The following KALRN variants were observed in gnomAD, a reference collection of about 807,000 sequenced individuals.
KALRN encodes kalirin.
A neutral mutation model predicts 353.7 loss-of-function variants in KALRN; 70 were observed. The ratio of observed to expected loss-of-function variants is 0.20; its 90% CI spans 0.16 to 0.24. The LOEUF is 0.24. Among genes scored for constraint, KALRN ranks in the 10% least tolerant of loss-of-function variants. The pLI, the probability that KALRN is intolerant of heterozygous loss-of-function variation, is 1.00. For synonymous variants in KALRN, 1,391 were observed against 1,434.8 expected (o/e 0.97, Z 0.69); for missense variants, 2,791 against 3,756.7 (o/e 0.74, Z 6.72).
intron 6 of KALRN, among the ~76,000 whole-genome samples, chr3:124,324,958 T>G (rs527395622): frequency 1.3e-5 from 2 of 152,336 alleles, no homozygotes; most frequent in Admixed American, 6.5e-5. Context: ...ATTGTGTGAT[T>G]CGGAAAAGCT....
At chr3:124,445,058 TAAC>T (rs1375926874) in intron 19 of KALRN, among the ~76,000 whole-genome samples, 1 of 152,174 alleles carries the variant, frequency 6.6e-6, no homozygotes, top group Admixed American at 6.5e-5. Flanking sequence ...CCAAGGTGAC[TAAC>T]AACTCAGGCT....
chr3:124,309,716 C>T (rs2078061613), intron 6 of KALRN, among the ~76,000 whole-genome samples: 1 of 151,566 alleles, frequency 6.6e-6, no homozygotes. Flanking sequence ...CCAGAAAAAG[C>T]ATTTGACAAA....
chr3:124,081,158 C>CTGTA (rs1173360915), intron 1 of KALRN, among the ~76,000 whole-genome samples: 1 of 152,238 alleles, frequency 6.6e-6, no homozygotes, highest in Non-Finnish European at 1.5e-5. Flanking sequence ...CTCCTGTCTA[C>CTGTA]TGTAGCGGGA....
intron 1 of KALRN, among the ~76,000 whole-genome samples, chr3:124,220,390 G>A (rs1460843533): frequency 2.0e-5 from 3 of 152,008 alleles, no homozygotes; most frequent in African/African-American, 7.3e-5. Flanking sequence ...CTTTCTGTGT[G>A]TGTGTGTGTG....
intron 32 of KALRN, among the ~76,000 whole-genome samples, chr3:124,495,959 ATG>A (rs1206925516): frequency 0.023 from 745 of 32,826 alleles, 58 homozygotes; most frequent in African/African-American, 0.055. Context: ...GTGTATGTGT[ATG>A]TATGTATATA....
intron 14 of KALRN, among the ~76,000 whole-genome samples, chr3:124,420,210 AT>A (rs1363028651): frequency 6.6e-6 from 1 of 152,254 alleles, no homozygotes; most frequent in Non-Finnish European, 1.5e-5. Context: ...GTCTCAGGAC[AT>A]GCTGGGAGCC....
chr3:124,154,578 A>G (rs1413907979), intron 1 of KALRN, among the ~76,000 whole-genome samples: 1 of 152,260 alleles, frequency 6.6e-6, no homozygotes, highest in African/African-American at 2.4e-5. Flanking sequence ...CTCTTCAAGG[A>G]GAACTACAAA....
At chr3:124,675,100 G>A (rs992357218) in intron 49 of KALRN, 1 of 152,048 alleles carries the variant, frequency 6.6e-6, no homozygotes, top group Non-Finnish European at 1.5e-5. Flanking sequence ...CTTTTCCCAG[G>A]AGGGAGGGAA....
At chr3:124,446,722 G>T in intron 20 of KALRN, 41 bp from the exon 21 acceptor site, 1 of 1,612,634 alleles carries the variant, frequency 6.2e-7, no homozygotes, top group Non-Finnish European at 8.5e-7. Flanking sequence ...CCTACTGACA[G>T]CTGCCTTTTT....
intron 25 of KALRN, among the ~76,000 whole-genome samples, chr3:124,471,256 T>TTTTTTATTATTATTATTA (rs377604411): frequency 2.9e-5 from 4 of 138,824 alleles, no homozygotes; most frequent in African/African-American, 8.0e-5. Context: ...CCCACAAAGT[T>TTTTTTATTATTATTATTA]TTATTATTAT....
At chr3:124,148,441 C>G (rs2067654910) in intron 1 of KALRN, among the ~76,000 whole-genome samples, 1 of 152,136 alleles carries the variant, frequency 6.6e-6, no homozygotes, top group Non-Finnish European at 1.5e-5. Flanking sequence ...TCATAGGCAG[C>G]CAGGTATGAA....
chr3:124,373,705 C>T (rs9882580), intron 10 of KALRN, among the ~76,000 whole-genome samples: 15,799 of 152,160 alleles, frequency 0.1, 1,068 homozygotes, highest in Non-Finnish European at 0.16. Context: ...ATTTGGACAT[C>T]TTTCTATATG....
chr3:124,279,898 G>A (rs772918412), intron 5 of KALRN, among the ~76,000 whole-genome samples: 2 of 152,178 alleles, frequency 1.3e-5, no homozygotes, highest in Admixed American at 6.5e-5. Context: ...GCAGGGAGAT[G>A]GAAGAGTGTG....
intron 34 of KALRN, among the ~76,000 whole-genome samples, chr3:124,564,005 C>CAA (rs56072904): frequency 5.2e-5 from 5 of 96,430 alleles, no homozygotes; most frequent in East Asian, 2.8e-4. Flanking sequence ...GACTCTGTCT[C>CAA]AAAAAAAAAA....
At chr3:124,553,239 G>T (rs2070772429) in intron 33 of KALRN, among the ~76,000 whole-genome samples, 1 of 152,194 alleles carries the variant, frequency 6.6e-6, no homozygotes, top group Non-Finnish European at 1.5e-5. Context: ...TATATGGCAG[G>T]AATTAATATG....
rs150362926 is a variant in KALRN, at chr3:124,118,382, T to C, written c.73+84569T>C. Reference sequence around the variant, plus strand: ...TAAACAGGGAATGCTTTTCTTAGGATCTAGGGAAGTTTTAGCAACTTAGTT... The same window carrying C: ...TAAACAGGGAATGCTTTTCTTAGGACCTAGGGAAGTTTTAGCAACTTAGTT... On this transcript the variant is annotated intron_variant, in intron 1 of 59. Coordinates refer to ENST00000682506, the MANE Select transcript of KALRN (RefSeq NM_001388419.1). Among the ~76,000 whole-genome samples the C allele has an allele frequency of 2.0e-3, 305 of 152,188 alleles. 1 individual carries two copies. Among genetic ancestry groups the C allele is most frequent in the African/African-American group, 6.8e-3 (284 of 41,532 alleles).
intron 34 of KALRN, among the ~76,000 whole-genome samples, chr3:124,578,718 A>T (rs1561328503): frequency 6.7e-6 from 1 of 149,818 alleles, no homozygotes; most frequent in South Asian, 2.1e-4. Context: ...GCAGTGAGCC[A>T]AGATGTGCCC....
intron 1 of KALRN, among the ~76,000 whole-genome samples, chr3:124,105,429 G>C (rs1298654969): frequency 6.6e-6 from 1 of 152,194 alleles, no homozygotes; most frequent in Non-Finnish European, 1.5e-5. Flanking sequence ...TGGTGAAACT[G>C]GTATTAGCTC....
rs148403561 is a variant in KALRN, at chr3:124,643,982, C to T, written c.5664+6679C>T. On this transcript the variant is annotated intron_variant, in intron 37 of 59. Transcript: ENST00000682506. ...ATTTTGGTGGAAGTCTAAATTAGTACCTAAAGAGTAGCTAAATGTACTTAT... is the reference window on the plus strand; with the variant it reads ...ATTTTGGTGGAAGTCTAAATTAGTATCTAAAGAGTAGCTAAATGTACTTAT... Among the ~76,000 whole-genome samples, 528 of 151,776 alleles carry T rather than the reference C, an allele frequency of 3.5e-3. 6 individuals carry two copies. The highest frequency in any genetic ancestry group is 0.012 in the African/African-American group (479 of 41,372).
Sources: gnomAD v4.1 joint callset for allele counts (sites outside exome capture counted in the v4.1 genomes callset) on GRCh38, gnomAD v4.1.1 for gene constraint, MANE v1.5 for transcripts, NCBI Gene and HGNC (gene_info 2026-07-23, HGNC 2026-07-21) for gene names.